The following TAFA1 variants were observed in gnomAD, a reference collection of about 807,000 sequenced individuals.
TAFA1 encodes chemokine-like protein TAFA-1.
TAFA1 carries 4 observed loss-of-function variants against 18.5 expected under a neutral mutation model. The observed-to-expected ratio is 0.22, with a 90% CI of 0.11 to 0.49. The LOEUF (loss-of-function observed/expected upper bound fraction) is 0.49. Among genes scored for constraint, TAFA1 ranks in the 20% least tolerant of loss-of-function variants. The pLI, the probability that TAFA1 is intolerant of heterozygous loss-of-function variation, is 0.98. For synonymous variants in TAFA1, 56 were observed against 55.2 expected (o/e 1.01, Z -0.06); for missense variants, 147 against 169.0 (o/e 0.87, Z 0.72).
At chr3:68,338,416 G>T (rs1009343055) in intron 2 of TAFA1, among the ~76,000 whole-genome samples, 1 of 152,158 alleles carries the variant, frequency 6.6e-6, no homozygotes, top group African/African-American at 2.4e-5. Context: ...ATTTCAGTTA[G>T]TATTCATGCC....
intron 2 of TAFA1, among the ~76,000 whole-genome samples, chr3:68,172,866 A>G (rs2106963159): frequency 6.6e-6 from 1 of 152,308 alleles, no homozygotes; most frequent in African/African-American, 2.4e-5. Context: ...GACTGATAGT[A>G]GGGAGGAATA....
At chr3:68,296,958 G>A (rs535764034) in intron 2 of TAFA1, among the ~76,000 whole-genome samples, 58 of 152,274 alleles carry the variant, frequency 3.8e-4, no homozygotes, top group Non-Finnish European at 6.5e-4. Flanking sequence ...TTCTATAATT[G>A]AACTGAAACC....
At chr3:68,038,251 T>C (rs1705093253) in intron 2 of TAFA1, among the ~76,000 whole-genome samples, 1 of 152,162 alleles carries the variant, frequency 6.6e-6, no homozygotes, top group Non-Finnish European at 1.5e-5. Flanking sequence ...TGAGTCACTT[T>C]GGGAAGGTGA....
chr3:68,476,970 C>A (rs1320034206), intron 3 of TAFA1, among the ~76,000 whole-genome samples: 1 of 152,134 alleles, frequency 6.6e-6, no homozygotes, highest in Non-Finnish European at 1.5e-5. Flanking sequence ...ATGTATCCAG[C>A]ACTCAGATGA....
chr3:68,098,694 T>C (rs1488841743), intron 2 of TAFA1, among the ~76,000 whole-genome samples: 1 of 152,094 alleles, frequency 6.6e-6, no homozygotes, highest in Non-Finnish European at 1.5e-5. Context: ...ATATTACTAA[T>C]AGCCAAAGCA....
At chr3:68,354,763 C>T (rs1219036475) in intron 2 of TAFA1, among the ~76,000 whole-genome samples, 1 of 151,838 alleles carries the variant, frequency 6.6e-6, no homozygotes, top group Non-Finnish European at 1.5e-5. Context: ...CAGATAGTGC[C>T]TTGTTGCTGT....
At chr3:68,110,860 G>A (rs2065254625) in intron 2 of TAFA1, among the ~76,000 whole-genome samples, 1 of 152,164 alleles carries the variant, frequency 6.6e-6, no homozygotes, top group Admixed American at 6.5e-5. Context: ...CCTACCATTG[G>A]TGGGTTCTAT....
intron 2 of TAFA1, among the ~76,000 whole-genome samples, chr3:68,165,901 A>G (rs1006774956): frequency 7.2e-5 from 11 of 152,242 alleles, no homozygotes; most frequent in African/African-American, 2.4e-4. Flanking sequence ...AGGAATGTGA[A>G]TCAAATTAAT....
At position 68,144,641 on chromosome 3, in the gene TAFA1, C is replaced by G. The variant is rs141770579; in HGVS notation, c.118+137897C>G. ...AGGGTTTATTTAAAATTAGGCAAAA[C>G]TAAGAATATGTTTCCTGGCCACACC... On this transcript the variant is annotated intron_variant, in intron 2 of 4. Coordinates refer to ENST00000478136, the MANE Select transcript of TAFA1 (RefSeq NM_213609.4). Among the ~76,000 whole-genome samples the G allele has an allele frequency of 5.9e-5, 9 of 152,290 alleles. No homozygotes were observed. In the South Asian group the frequency reaches 1.9e-3, roughly 32 times the overall value.
intron 2 of TAFA1, among the ~76,000 whole-genome samples, chr3:68,208,131 A>C (rs1469175528): frequency 2.6e-5 from 4 of 151,986 alleles, no homozygotes; most frequent in Non-Finnish European, 5.9e-5. Context: ...TTTCTTGATA[A>C]GATGTAATCA....
chr3:68,053,735 G>A (rs989563672), intron 2 of TAFA1, among the ~76,000 whole-genome samples: 3 of 152,054 alleles, frequency 2.0e-5, no homozygotes, highest in Non-Finnish European at 2.9e-5. Flanking sequence ...ATAGGGTCTC[G>A]CTCTGTCACC....
intron 3 of TAFA1, among the ~76,000 whole-genome samples, chr3:68,441,588 G>A (rs1246024024): frequency 6.6e-6 from 1 of 152,136 alleles, no homozygotes; most frequent in Non-Finnish European, 1.5e-5. Flanking sequence ...GTGCACACCA[G>A]CATTCCATCA....
intron 3 of TAFA1, among the ~76,000 whole-genome samples, chr3:68,474,789 A>G (rs910979007): frequency 2.6e-5 from 4 of 152,218 alleles, no homozygotes; most frequent in Non-Finnish European, 5.9e-5. Flanking sequence ...ATCATCACTA[A>G]TATATGGTTT....
intron 2 of TAFA1, among the ~76,000 whole-genome samples, chr3:68,347,404 C>T (rs1310709469): frequency 1.3e-5 from 2 of 152,190 alleles, no homozygotes; most frequent in East Asian, 3.9e-4. Flanking sequence ...CTTCACTTTC[C>T]TCTCATCCAA....
chr3:68,179,029 G>A (rs1405846961), intron 2 of TAFA1, among the ~76,000 whole-genome samples: 1 of 152,176 alleles, frequency 6.6e-6, no homozygotes, highest in Non-Finnish European at 1.5e-5. Flanking sequence ...AACATATCAA[G>A]GAGGAGAGAA....
At chr3:68,479,241 A>AAAAAAAATAT (rs1353493315) in intron 3 of TAFA1, among the ~76,000 whole-genome samples, 9 of 123,676 alleles carry the variant, frequency 7.3e-5, no homozygotes, top group African/African-American at 2.9e-4. Flanking sequence ...AAAAAAAAAA[A>AAAAAAAATAT]ATATATATAT....
intron 2 of TAFA1, among the ~76,000 whole-genome samples, chr3:68,072,287 G>A (rs1575601395): frequency 2.6e-5 from 4 of 152,170 alleles, no homozygotes; most frequent in Admixed American, 2.6e-4. Flanking sequence ...GATATGAGAA[G>A]CAGCCTCGTG....
At chr3:68,384,252 T>A in intron 2 of TAFA1, among the ~76,000 whole-genome samples, 1 of 152,072 alleles carries the variant, frequency 6.6e-6, no homozygotes, top group East Asian at 1.9e-4. Context: ...GGTTTCCTAC[T>A]TTTTGTTGTG....
At chr3:68,093,753 G>T (rs1481977664) in intron 2 of TAFA1, among the ~76,000 whole-genome samples, 1 of 122,746 alleles carries the variant, frequency 8.1e-6, no homozygotes, top group Non-Finnish European at 1.8e-5. Flanking sequence ...TCCCCCTGAG[G>T]ATTGGCTACC....
Sources: gnomAD v4.1 joint callset for allele counts (sites outside exome capture counted in the v4.1 genomes callset) on GRCh38, gnomAD v4.1.1 for gene constraint, MANE v1.5 for transcripts, NCBI Gene and HGNC (gene_info 2026-07-23, HGNC 2026-07-21) for gene names.